Variants in VPS13B observed in about 807,000 individuals in gnomAD.
The protein encoded by VPS13B is vacuolar protein sorting 13 homolog B.
VPS13B carries 285 observed loss-of-function variants against 426.4 expected under a neutral mutation model. The observed-to-expected ratio is 0.67, with a 90% confidence interval of 0.61 to 0.74. The LOEUF is 0.74. Ranked by LOEUF, VPS13B falls within the 30% of genes least tolerant of loss-of-function variation. The pLI, the probability that VPS13B is intolerant of heterozygous loss-of-function variation, is 0.00. For missense variants in VPS13B, 4,537 were observed against 4,782.6 expected, an observed-to-expected ratio of 0.95 and a Z score of 1.51; for synonymous variants, 1,676 against 1,676.4, an observed-to-expected ratio of 1.00 and a Z score of 0.01.
intron 19 of VPS13B, among the ~76,000 whole-genome samples, chr8:99,293,083 A>G (rs1819827803): frequency 6.6e-6 from 1 of 151,894 alleles, no homozygotes; most frequent in African/African-American, 2.4e-5. Context: ...CGCATCGCCA[A>G]GTCAATCCTA....
chr8:99,269,636 C>G (rs1818472436), intron 17 of VPS13B, among the ~76,000 whole-genome samples: 1 of 152,142 alleles, frequency 6.6e-6, no homozygotes, highest in South Asian at 2.1e-4. Flanking sequence ...ATATCTGAAG[C>G]CACATTTTAG....
chr8:99,332,756 T>C (rs1322226964), intron 19 of VPS13B, among the ~76,000 whole-genome samples: 2 of 151,658 alleles, frequency 1.3e-5, no homozygotes, highest in Non-Finnish European at 3.0e-5. Flanking sequence ...CCCATATGAA[T>C]TCTAAACATT....
At chr8:99,603,506 G>C (rs77115780) in intron 33 of VPS13B, among the ~76,000 whole-genome samples, 2,540 of 152,232 alleles carry the variant, frequency 0.017, 64 homozygotes, top group African/African-American at 0.058. Context: ...ATTAAAATAA[G>C]GGTTACTTGA....
chr8:99,308,565 A>G (rs989734189), intron 19 of VPS13B, among the ~76,000 whole-genome samples: 1 of 152,058 alleles, frequency 6.6e-6, no homozygotes, highest in African/African-American at 2.4e-5. Flanking sequence ...ACATTTTCTT[A>G]ATCCAGTCTA....
chr8:99,693,247 G>A (rs1831772654), intron 35 of VPS13B, among the ~76,000 whole-genome samples: 8 of 150,616 alleles, frequency 5.3e-5, no homozygotes, highest in Admixed American at 5.3e-4. Context: ...AACCAAAAAA[G>A]AGAATTTTAG....
At chr8:99,115,560 A>T in intron 6 of VPS13B, 140 bp from the exon 7 acceptor site, 1 of 836,588 alleles carries the variant, frequency 1.2e-6, no homozygotes, top group Non-Finnish European at 1.8e-6. Context: ...TAGAGTAAGT[A>T]TTGTTTTGAT....
At position 99,735,026 on chromosome 8, in the gene VPS13B, A is replaced by G. The variant is rs371159515; in HGVS notation, c.7050+13979A>G. On this transcript the variant is annotated intron_variant, in intron 39 of 61. Coordinates refer to ENST00000357162, the MANE Select transcript of VPS13B (RefSeq NM_152564.5). ...AAGGTTTTGGAGGAATAATCGTAGT[A>G]AATGCCACTAGAAGTTTGGACATGT... Among the ~76,000 whole-genome samples the G allele has an allele frequency of 3.3e-5, 5 of 152,352 alleles. No homozygotes were observed. The South Asian group carries it at 1.0e-3, about 32-fold the overall frequency.
intron 19 of VPS13B, among the ~76,000 whole-genome samples, chr8:99,294,459 G>A (rs1260165694): frequency 1.4e-5 from 2 of 147,628 alleles, no homozygotes; most frequent in Non-Finnish European, 3.0e-5. Flanking sequence ...GTTAGTGGGT[G>A]CAGCGCACCA....
intron 3 of VPS13B, among the ~76,000 whole-genome samples, chr8:99,078,079 T>A (rs991292045): frequency 6.6e-6 from 1 of 151,738 alleles, no homozygotes; most frequent in Non-Finnish European, 1.5e-5. Flanking sequence ...ATTCATGAAT[T>A]TTTTTTTATA....
chr8:99,835,109 T>C (rs181432223), intron 52 of VPS13B, 88 bp from the exon 53 acceptor site: 1 of 1,564,822 alleles, frequency 6.4e-7, no homozygotes, highest in African/African-American at 1.4e-5. Flanking sequence ...GTTCTGAATG[T>C]TGCAAATCTA....
At chr8:99,466,679 TA>T (rs1455513229) in intron 23 of VPS13B, among the ~76,000 whole-genome samples, 1 of 152,176 alleles carries the variant, frequency 6.6e-6, no homozygotes, top group Non-Finnish European at 1.5e-5. Context: ...AAGTGCATTT[TA>T]TTTAAAAATA....
chr8:99,853,599 C>T lies in VPS13B; in HGVS notation c.10210C>T (p.Pro3404Ser). The T allele has an allele frequency of 6.2e-7, 1 of 1,614,146 alleles. No individual in the cohort carries two copies. The highest frequency in any genetic ancestry group is 1.1e-5 in the South Asian group (1 of 91,072). ...IFLCVAPGAGPLPGEEPVAAL... is the reference protein window; with the variant it reads ...IFLCVAPGAGSLPGEEPVAAL... ...TCTCTGTGTGGCCCCGGGAGCTGGTCCCCTCCCTGGGGAAGAGCCTGTGGC... is the reference window on the plus strand; with the variant it reads ...TCTCTGTGTGGCCCCGGGAGCTGGTTCCCTCCCTGGGGAAGAGCCTGTGGC... The change falls in exon 56 of 62, where the codon CCC (proline) becomes TCC (serine). Residue 3404 changes from proline (P) to serine (S), a missense_variant. Pro to Ser is a moderately conservative substitution (Grantham distance 74). This residue lies in a region of VPS13B where 4,311 missense variants were observed against 4,474.3 expected (regional missense o/e 0.96). Transcript: ENST00000357162.
chr8:99,239,541 G>A (rs951898808), intron 17 of VPS13B, among the ~76,000 whole-genome samples: 11 of 152,036 alleles, frequency 7.2e-5, no homozygotes, highest in African/African-American at 2.7e-4. Flanking sequence ...TATCTTTCTA[G>A]TAAACTGTTT....
chr8:99,640,051 GAAAAGA>G, intron 33 of VPS13B, among the ~76,000 whole-genome samples: 1 of 30,412 alleles, frequency 3.3e-5, no homozygotes, highest in South Asian at 9.0e-4. Flanking sequence ...AAGAAGAAGA[GAAAAGA>G]AAAGAAAAGA....
At chr8:99,209,971 C>CACT (rs1814982769) in intron 17 of VPS13B, among the ~76,000 whole-genome samples, 2 of 151,800 alleles carry the variant, frequency 1.3e-5, no homozygotes, top group South Asian at 4.2e-4. Context: ...CCATATGTGT[C>CACT]ACTATATATT....
In VPS13B at chr8:99,601,065, A is replaced by T. The variant is rs1228866137; in HGVS notation, c.5220+23432A>T. Among the ~76,000 whole-genome samples, 4 of 152,066 alleles carry T rather than the reference A, an allele frequency of 2.6e-5. No homozygotes were observed. The South Asian group carries it at 6.2e-4, about 24-fold the overall frequency. ...TGCAGAACGTACAGGTTTGTAACAT[A>T]GGTATACACGTACCATGGTGGTTTG... On this transcript the variant is annotated intron_variant, in intron 33 of 61. Transcript: ENST00000357162.
chr8:99,240,566 G>T lies in VPS13B; in HGVS notation c.2516-33632G>T, dbSNP rs528634360. Reference sequence around the variant, plus strand: ...TATTTTAAGTATATGTACTCATTATGATTTCTAAATATTATAGCCAAAGCA... The same window carrying T: ...TATTTTAAGTATATGTACTCATTATTATTTCTAAATATTATAGCCAAAGCA... On this transcript the variant is annotated intron_variant, in intron 17 of 61. Transcript: ENST00000357162. 7.2e-5 allele frequency among the ~76,000 whole-genome samples: 11 copies of T among 152,214 alleles called. 2 individuals are homozygous for T. Among genetic ancestry groups the T allele is most frequent in the African/African-American group, 2.6e-4 (11 of 41,528 alleles).
chr8:99,129,944 A>G (rs1481254871), intron 8 of VPS13B, among the ~76,000 whole-genome samples: 1 of 152,088 alleles, frequency 6.6e-6, no homozygotes, highest in Non-Finnish European at 1.5e-5. Context: ...TGAGCCCTGG[A>G]GGTTTTAGGC....
chr8:99,621,820 CTTTTTTT>C (rs749078781), intron 33 of VPS13B, among the ~76,000 whole-genome samples: 125 of 83,242 alleles, frequency 1.5e-3, no homozygotes, highest in Non-Finnish European at 1.8e-3. Context: ...TGTTTTGTTT[CTTTTTTT>C]TTTTTTTTTT....
Sources: allele counts gnomAD v4.1 joint callset (sites outside exome capture counted in the v4.1 genomes callset), GRCh38; gene constraint gnomAD v4.1.1; regional missense constraint gnomAD v4.1.1; transcripts MANE v1.5; gene names NCBI Gene and HGNC (gene_info 2026-07-23, HGNC 2026-07-21).